TRIM68: variants seen among roughly 807,000 people sequenced by gnomAD.
The protein encoded by TRIM68 is tripartite motif containing 68.
In TRIM68, 36 loss-of-function variants were observed where a neutral mutation model predicts 41.9. The ratio of observed to expected loss-of-function variants is 0.86; its 90% CI spans 0.66 to 1.14. The LOEUF is 1.14. Among genes scored for constraint, TRIM68 ranks in the 50% most tolerant of loss-of-function variants. TRIM68 has a pLI of 0.00. For missense variants in TRIM68, 632 were observed against 605.1 expected, an observed-to-expected ratio of 1.04 and a Z score of -0.47; for synonymous variants, 225 against 224.6, an observed-to-expected ratio of 1.00 and a Z score of -0.02.
intron 5 of TRIM68, chr11:4,601,450 G>T: frequency 1.7e-6 from 1 of 601,178 alleles, no homozygotes; most frequent in South Asian, 2.1e-5. Context: ...ATATTTTACA[G>T]CTTCACTTGA....
chr11:4,600,334 C>T lies in TRIM68; in HGVS notation c.1400G>A (p.Ser467Asn), dbSNP rs751603923. 4 of 1,611,072 alleles carry T rather than the reference C, an allele frequency of 2.5e-6. No individual in the cohort carries two copies. In the South Asian group the frequency reaches 4.4e-5, roughly 18 times the overall value. ...RLLPYFSPCY[S>N]IGTNNTAPLA... The stretch of plus-strand genomic sequence containing the variant: ...AGGAGCAGTGTTGTTGGTTCCAATG[C>T]TGTAGCAAGGACTAAAATAGGGCAG... The change falls in exon 7 of 7, where the codon AGC becomes AAC. Residue 467 changes from serine to asparagine, a missense_variant. Transcript: ENST00000300747.
At chr11:4,601,162 C>A in intron 5 of TRIM68, 35 bp from the exon 6 acceptor site, 2 of 1,550,294 alleles carry the variant, frequency 1.3e-6, no homozygotes, top group South Asian at 2.2e-5. Context: ...GGCCAGGAGT[C>A]CCGGCTTTGT....
chr11:4,605,452 A>C lies in TRIM68; in HGVS notation c.53T>G (p.Ile18Ser). The C allele has an allele frequency of 6.2e-7, 1 of 1,614,052 alleles. No individual in the cohort carries two copies. The highest frequency in any genetic ancestry group is 8.5e-7 in the Non-Finnish European group (1 of 1,179,954). ...EAIVEEVACP[I>S]CMTFLREPMS... ...GGGCTCCCTCAGGAAGGTCATACAG[A>C]TGGGACAGGCCACTTCTTCCACAAT... Residue 18 changes from isoleucine to serine, a missense_variant, in exon 2 of 7, where the codon ATC becomes AGC. Physicochemically the swap from Ile to Ser is moderately radical, Grantham distance 142. Transcript: ENST00000300747.
chr11:4,600,830 GAAGAA>G lies in TRIM68; in HGVS notation c.908-9_908-5del. ...TCTGGATCCAAGCGCACATCAGCTA[GAAGAA>G]AAGGTCCTGGTTGGTAACAGTGATA... On this transcript the variant is annotated splice_region_variant and splice_polypyrimidine_tract_variant and intron_variant, in intron 6 of 6. Coordinates refer to ENST00000300747, the MANE Select transcript of TRIM68 (RefSeq NM_018073.8). 6.2e-7 allele frequency: 1 copy of G among 1,609,936 alleles called. No individual in the cohort carries two copies. Among genetic ancestry groups the G allele is most frequent in the Non-Finnish European group, 8.5e-7 (1 of 1,177,290 alleles).
rs549289332 is a variant in TRIM68 at position 4,605,707 on chromosome 11, A to G, written c.-57-146T>C. On this transcript the variant is annotated intron_variant, in intron 1 of 6. Coordinates refer to ENST00000300747, the MANE Select transcript of TRIM68 (RefSeq NM_018073.8). The stretch of plus-strand genomic sequence containing the variant: ...TCTTTAATAAGCATTGGCCTTTCCA[A>G]CTGAAGGGTGCATGGTCTGAACGGG... The G allele has an allele frequency of 5.0e-6, 3 of 601,544 alleles. No homozygotes were observed. The East Asian group carries it at 8.5e-5, about 17-fold the overall frequency. 37.3% of individuals were successfully genotyped at this position (601,544 alleles called of 1,614,324 possible).
chr11:4,600,398 T>G lies in TRIM68; in HGVS notation c.1336A>C (p.Ile446Leu). 1.2e-6 allele frequency: 2 copies of G among 1,614,132 alleles called. No individual in the cohort carries two copies. The highest frequency in any genetic ancestry group is 1.7e-6 in the Non-Finnish European group (2 of 1,180,032). Reference protein sequence around the residue: ...FYNVTDCGSHIFTFPRYPFPG... With the variant: ...FYNVTDCGSHLFTFPRYPFPG... ...AAGGGATAGCGGGGGAAAGTGAAGA[T>G]GTGGGAGCCACAGTCAGTCACATTG... is the stretch of plus-strand genomic sequence containing the variant. Residue 446 changes from isoleucine (I) to leucine (L), a missense_variant, in exon 7 of 7, where the codon ATC (isoleucine) becomes CTC (leucine). Ile to Leu is a conservative substitution (Grantham distance 5). Transcript: ENST00000300747.
intron 1 of TRIM68, among the ~76,000 whole-genome samples, chr11:4,606,043 A>G (rs1473838806): frequency 1.3e-5 from 2 of 152,226 alleles, no homozygotes; most frequent in Non-Finnish European, 2.9e-5. Flanking sequence ...CCCATTGCCT[A>G]CAAGCTCAAT....
chr11:4,605,057 G>A, intron 2 of TRIM68, 22 bp downstream of exon 2: 1 of 1,609,158 alleles, frequency 6.2e-7, no homozygotes, highest in Non-Finnish European at 8.5e-7. Context: ...TTAGACTGGA[G>A]TGGCCAGCTT....
chr11:4,602,429 G>A lies in TRIM68; in HGVS notation c.523-17C>T. ...CACCTGTATCTGTGGAGCCAAGATG[G>A]AAATCAGCACTGATACTTTCAGTCA... On this transcript the variant is annotated splice_polypyrimidine_tract_variant and intron_variant, in intron 3 of 6. Coordinates refer to ENST00000300747, the MANE Select transcript of TRIM68 (RefSeq NM_018073.8). 6.2e-7 allele frequency: 1 copy of A among 1,611,762 alleles called. No individual in the cohort carries two copies. Among genetic ancestry groups the A allele is most frequent in the Non-Finnish European group, 8.5e-7 (1 of 1,179,006 alleles).
chr11:4,602,517 A>G, intron 3 of TRIM68, 105 bp from the exon 4 acceptor site: 1 of 1,444,240 alleles, frequency 6.9e-7, no homozygotes, highest in Non-Finnish European at 9.4e-7. Flanking sequence ...CAACCACGTG[A>G]CAGGCTATGC....
chr11:4,601,538 G>A (rs746599675), intron 5 of TRIM68, 126 bp downstream of exon 5: 1 of 967,898 alleles, frequency 1.0e-6, no homozygotes, highest in Non-Finnish European at 1.6e-6. Flanking sequence ...TAAGTGGGAC[G>A]AGACTGTGGA....
At position 4,600,696 on chromosome 11, in the gene TRIM68, G is replaced by A. The variant is rs955140989; in HGVS notation, c.1038C>T (p.Ile346=). The A allele has an allele frequency of 2.4e-5, 38 of 1,614,154 alleles. No individual in the cohort carries two copies. The highest frequency in any genetic ancestry group is 3.3e-5 in the Admixed American group (2 of 60,014). The change falls in exon 7 of 7, where the codon ATC becomes ATT. Residue 346 remains isoleucine (I), a synonymous_variant. Transcript: ENST00000300747. ...AGGAGATGCACTGGCTTCCCAGGAC[G>A]ATATTATAGCGGTAAAATCTCTCAG... The part of the protein sequence containing the change: ...DNPERFYRYN[I]VLGSQCISSG...
rs1284920034 is a variant in TRIM68, at chr11:4,598,848, A to G, written c.*1428T>C. On this transcript the variant is annotated 3_prime_UTR_variant, in exon 7 of 7. Coordinates refer to ENST00000300747, the MANE Select transcript of TRIM68 (RefSeq NM_018073.8). The stretch of plus-strand genomic sequence containing the variant: ...CCAGCAGAGGCCCTGAGACAAAGGC[A>G]CTGCTATAAGATGCAGACTGTATCA... 1 of 152,228 alleles carries G rather than the reference A, an allele frequency of 6.6e-6. No homozygotes were observed. The highest frequency in any genetic ancestry group is 2.4e-5 in the African/African-American group (1 of 41,454). 9.4% of individuals were successfully genotyped at this position (152,228 alleles called of 1,614,324 possible).
Position 4,602,387 on chromosome 11 carries a change from C to T in TRIM68, c.548G>A (p.Ser183Asn), listed in dbSNP as rs1400920006. 6.2e-7 allele frequency: 1 copy of T among 1,613,890 alleles called. No individual in the cohort carries two copies. The highest frequency in any genetic ancestry group is 8.5e-7 in the Non-Finnish European group (1 of 1,180,022). The change falls in exon 4 of 7, where the codon AGT becomes AAT. Residue 183 changes from serine (S) to asparagine (N), a missense_variant. By Grantham distance (46) the Ser-to-Asn change is conservative (BLOSUM62 1). Coordinates refer to ENST00000300747, the MANE Select transcript of TRIM68 (RefSeq NM_018073.8). ...GTATTTTTCAAACTCCCATACAATA[C>T]TCTGTTTTCGGGTTTCCACCTGTAT... ...WKIQVETRKQ[S>N]IVWEFEKYQR...
chr11:4,602,939 T>G (rs1421320273), intron 3 of TRIM68, among the ~76,000 whole-genome samples: 1 of 152,244 alleles, frequency 6.6e-6, no homozygotes, highest in African/African-American at 2.4e-5. Context: ...AAAGAGAAAC[T>G]CTGCTTTACA....
rs1589848258 is a variant in TRIM68, at chr11:4,600,807, T to A, written c.927A>T (p.Pro309=). Residue 309 remains proline (P), a synonymous_variant, in exon 7 of 7, where the codon CCA becomes CCT. Coordinates refer to ENST00000300747, the MANE Select transcript of TRIM68 (RefSeq NM_018073.8). ...KTYAADVRLD[P]DTAYSRLIVS... ...CGATGAGACGGGAGTAAGCAGTATC[T>A]GGATCCAAGCGCACATCAGCTAGAA... 1 of 1,613,530 alleles carries A rather than the reference T, an allele frequency of 6.2e-7. No homozygotes were observed. Among genetic ancestry groups the A allele is most frequent in the East Asian group, 2.2e-5 (1 of 44,860 alleles).
chr11:4,601,439 C>T (rs2133197988), intron 5 of TRIM68: 1 of 596,912 alleles, frequency 1.7e-6, no homozygotes, highest in Non-Finnish European at 3.0e-6. Flanking sequence ...CTTGAAACCA[C>T]ATATTTTACA....
chr11:4,600,944 C>G, intron 6 of TRIM68, 83 bp downstream of exon 6: 1 of 1,565,046 alleles, frequency 6.4e-7, no homozygotes, highest in Non-Finnish European at 8.8e-7. Context: ...CTGGATGGAG[C>G]ACCCAGAGGG....
At position 4,600,430 on chromosome 11, in the gene TRIM68, G is replaced by A; in HGVS notation, c.1304C>T (p.Ser435Phe). Residue 435 changes from serine to phenylalanine, a missense_variant, in exon 7 of 7, where the codon TCT becomes TTT. By Grantham distance (155) the Ser-to-Phe change is radical. Coordinates refer to ENST00000300747, the MANE Select transcript of TRIM68 (RefSeq NM_018073.8). ...IFVDYEAHDI[S>F]FYNVTDCGSH... is the part of the protein sequence containing the mutation. ...GCCACAGTCAGTCACATTGTAGAAA[G>A]AAATGTCATGGGCCTCATAATCCAC... The A allele has an allele frequency of 6.2e-7, 1 of 1,614,064 alleles. No individual in the cohort carries two copies. Among genetic ancestry groups the A allele is most frequent in the Non-Finnish European group, 8.5e-7 (1 of 1,179,982 alleles).
Sources: gnomAD v4.1 joint callset for allele counts (sites outside exome capture counted in the v4.1 genomes callset) on GRCh38, gnomAD v4.1.1 for gene constraint, MANE v1.5 for transcripts, NCBI Gene and HGNC (gene_info 2026-07-23, HGNC 2026-07-21) for gene names.